Variants in COPG2 observed in about 807,000 individuals in gnomAD.
COPG2 encodes coat protein complex I subunit gamma 2.
A neutral mutation model predicts 46.3 loss-of-function variants in COPG2; 37 were observed. That is an observed-to-expected ratio of 0.80 (90% CI 0.61 to 1.05). The LOEUF is 1.05. Among genes scored for constraint, COPG2 ranks in the 50% least tolerant of loss-of-function variants. The pLI is 0.00. For synonymous variants in COPG2, 159 were observed against 129.7 expected (o/e 1.23, Z -1.53); for missense variants, 427 against 387.8 (o/e 1.10, Z -0.85).
intron 21 of COPG2, 200 bp from the exon 22 acceptor site, chr7:130,508,023 G>C (rs1393595052): frequency 3.7e-6 from 2 of 541,512 alleles, no homozygotes; most frequent in South Asian, 2.3e-5. Context: ...AAGAGCCTCA[G>C]ATCAACATCT....
At chr7:130,556,767 A>AT (rs1793632789) in intron 12 of COPG2, among the ~76,000 whole-genome samples, 1 of 152,224 alleles carries the variant, frequency 6.6e-6, no homozygotes, top group Non-Finnish European at 1.5e-5. Context: ...CACATTCATG[A>AT]GTCAAAGGAT....
Position 130,610,821 on chromosome 7 carries a change from A to T in COPG2, c.737+132T>A, listed in dbSNP as rs983210061. The T allele has an allele frequency of 2.3e-5, 20 of 882,030 alleles. 1 individual carries two copies. The highest frequency in any genetic ancestry group is 2.2e-4 in the Admixed American group (11 of 48,942). 54.6% of individuals were successfully genotyped at this position (882,030 alleles called of 1,614,324 possible). On this transcript the variant is annotated intron_variant, in intron 9 of 23. Coordinates refer to ENST00000425248, the MANE Select transcript of COPG2 (RefSeq NM_012133.6). ...TGACTTGAAATTCCATAATTTTTTT[A>T]AAAAATTGAAAAACATTGAACTCAT...
At chr7:130,588,444 C>A (rs1794328821) in intron 9 of COPG2, among the ~76,000 whole-genome samples, 2 of 151,952 alleles carry the variant, frequency 1.3e-5, no homozygotes, top group Admixed American at 1.3e-4. Context: ...GGCCCATATA[C>A]ACCATGGAAT....
chr7:130,589,804 T>A (rs941247718), intron 9 of COPG2, among the ~76,000 whole-genome samples: 2 of 152,226 alleles, frequency 1.3e-5, no homozygotes, highest in Admixed American at 6.5e-5. Context: ...TTTTGTTTAT[T>A]GGCAGGTGCA....
intron 9 of COPG2, among the ~76,000 whole-genome samples, chr7:130,582,146 G>C (rs1250450950): frequency 6.8e-6 from 1 of 147,156 alleles, no homozygotes; most frequent in Admixed American, 6.8e-5. Flanking sequence ...TACCAAAACA[G>C]AGATATAGAT....
chr7:130,655,584 C>A (rs1393544213), intron 4 of COPG2, among the ~76,000 whole-genome samples: 3 of 152,136 alleles, frequency 2.0e-5, no homozygotes, highest in Non-Finnish European at 4.4e-5. Flanking sequence ...CTCCCCGCCC[C>A]TCTTTTTTCT....
At chr7:130,591,917 A>G (rs1794435795) in intron 9 of COPG2, among the ~76,000 whole-genome samples, 1 of 152,174 alleles carries the variant, frequency 6.6e-6, no homozygotes, top group Non-Finnish European at 1.5e-5. Flanking sequence ...CAGCTCATTG[A>G]GAACAGGCCA....
intron 16 of COPG2, among the ~76,000 whole-genome samples, 161 bp from the exon 17 acceptor site, chr7:130,550,810 T>C (rs1793526666): frequency 6.6e-6 from 1 of 152,202 alleles, no homozygotes; most frequent in Non-Finnish European, 1.5e-5. Context: ...TTCTTGAAAT[T>C]ACCTTATAAA....
chr7:130,640,158 C>CTTTTTTTTTTT (rs11431866), intron 5 of COPG2, among the ~76,000 whole-genome samples: 1 of 96,456 alleles, frequency 1.0e-5, no homozygotes, highest in East Asian at 3.6e-4. Flanking sequence ...CACCACCAAC[C>CTTTTTTTTTTT]TTTTTTTTTT....
chr7:130,650,017 C>G (rs1320734896), intron 5 of COPG2, among the ~76,000 whole-genome samples: 1 of 152,144 alleles, frequency 6.6e-6, no homozygotes, highest in Admixed American at 6.6e-5. Flanking sequence ...CAGTCCTTTC[C>G]GGAGGCTAGA....
chr7:130,663,730 C>CTTTTTTTTTTTTTTT (rs71178602), intron 3 of COPG2, among the ~76,000 whole-genome samples: 1 of 67,148 alleles, frequency 1.5e-5, no homozygotes, highest in Non-Finnish European at 2.6e-5. Flanking sequence ...CATTTCTTTT[C>CTTTTTTTTTTTTTTT]TTTTTTTTTT....
At chr7:130,607,434 C>A in intron 9 of COPG2, 2 of 431,572 alleles carry the variant, frequency 4.6e-6, no homozygotes, top group Non-Finnish European at 9.2e-6. Flanking sequence ...GCAATTTTTA[C>A]CATCTATTAA....
intron 20 of COPG2, chr7:130,546,725 G>C (rs1286297723): frequency 6.6e-6 from 1 of 152,210 alleles, no homozygotes; most frequent in East Asian, 1.9e-4. Flanking sequence ...GGAGTTTGGA[G>C]AGGGGCTAAA....
chr7:130,574,191 TAA>T (rs1159327751), intron 9 of COPG2, among the ~76,000 whole-genome samples: 2 of 152,140 alleles, frequency 1.3e-5, no homozygotes, highest in African/African-American at 2.4e-5. Flanking sequence ...TATTCAGTCA[TAA>T]AAAGGAATGA....
At chr7:130,543,765 T>A (rs1282753618) in intron 20 of COPG2, among the ~76,000 whole-genome samples, 2 of 152,166 alleles carry the variant, frequency 1.3e-5, no homozygotes, top group Non-Finnish European at 2.9e-5. Flanking sequence ...GGGTACACCA[T>A]GATTAAGTTG....
chr7:130,522,401 G>A (rs1393665573), intron 20 of COPG2, among the ~76,000 whole-genome samples: 1 of 152,180 alleles, frequency 6.6e-6, no homozygotes, highest in Non-Finnish European at 1.5e-5. Context: ...CTTGCCACCT[G>A]TGTCACAGTA....
At chr7:130,607,848 C>T (rs570033109) in intron 9 of COPG2, 2 of 517,180 alleles carry the variant, frequency 3.9e-6, no homozygotes, top group South Asian at 2.8e-5. Flanking sequence ...GCAAAAAAAC[C>T]CCACAAATTT....
intron 5 of COPG2, among the ~76,000 whole-genome samples, chr7:130,622,920 T>C (rs571092121): frequency 1.6e-4 from 25 of 152,290 alleles, no homozygotes; most frequent in Middle Eastern, 3.4e-3. Flanking sequence ...GCCACCATTA[T>C]ACAGAAATGA....
At chr7:130,591,726 G>GT (rs1353082716) in intron 9 of COPG2, among the ~76,000 whole-genome samples, 1 of 145,484 alleles carries the variant, frequency 6.9e-6, no homozygotes, top group Non-Finnish European at 1.5e-5. Context: ...CGGGAAGGAG[G>GT]TGGGGGGGTC....
Sources: gnomAD v4.1 joint callset for allele counts (sites outside exome capture counted in the v4.1 genomes callset) on GRCh38, gnomAD v4.1.1 for gene constraint, MANE v1.5 for transcripts, NCBI Gene and HGNC (gene_info 2026-07-23, HGNC 2026-07-21) for gene names.